Variants in GRM3 observed in about 807,000 individuals in gnomAD.
GRM3 encodes the protein metabotropic glutamate receptor 3.
A neutral mutation model predicts 70.5 loss-of-function variants in GRM3; 26 were observed. That is an observed-to-expected ratio of 0.37 (90% CI 0.27 to 0.51). GRM3 has a LOEUF of 0.51. Among genes scored for constraint, GRM3 ranks in the 20% least tolerant of loss-of-function variants. The pLI is 0.93. For missense variants in GRM3, 859 were observed against 1,123.8 expected (o/e 0.76, Z 3.37); for synonymous variants, 443 against 434.9 (o/e 1.02, Z -0.23).
intron 1 of GRM3, among the ~76,000 whole-genome samples, chr7:86,683,011 T>C (rs1794478030): frequency 6.6e-6 from 1 of 152,150 alleles, no homozygotes; most frequent in South Asian, 2.1e-4. Flanking sequence ...CATTTTCAGA[T>C]TTGAACTGAA....
chr7:86,771,950 C>T (rs1796754053), intron 2 of GRM3, among the ~76,000 whole-genome samples: 2 of 152,104 alleles, frequency 1.3e-5, no homozygotes, highest in African/African-American at 4.8e-5. Flanking sequence ...ATGCAGTGTT[C>T]TTCAGCTGTC....
At chr7:86,710,566 T>TGGGGGGGGGGGGGG (rs1171125332) in intron 1 of GRM3, among the ~76,000 whole-genome samples, 1 of 8,132 alleles carries the variant, frequency 1.2e-4, no homozygotes, top group African/African-American at 5.4e-4. Flanking sequence ...GTGTGTGTGG[T>TGGGGGGGGGGGGGG]GGGGGGTGGG....
chr7:86,778,496 G>A (rs1455913934), intron 2 of GRM3, among the ~76,000 whole-genome samples: 5 of 152,168 alleles, frequency 3.3e-5, no homozygotes, highest in Non-Finnish European at 7.4e-5. Context: ...ACAAAGCTCT[G>A]TTTGAAATTG....
intron 1 of GRM3, among the ~76,000 whole-genome samples, chr7:86,703,104 G>A (rs1239173950): frequency 6.6e-6 from 1 of 151,614 alleles, no homozygotes; most frequent in Non-Finnish European, 1.5e-5. Flanking sequence ...AATATGTTGG[G>A]GTTTTTTTTC....
chr7:86,817,470 A>G (rs1402992431), intron 3 of GRM3, among the ~76,000 whole-genome samples: 1 of 151,960 alleles, frequency 6.6e-6, no homozygotes, highest in Non-Finnish European at 1.5e-5. Flanking sequence ...TTCTCCAGTT[A>G]CATCCTATAT....
chr7:86,690,664 C>T (rs1219689532), intron 1 of GRM3, among the ~76,000 whole-genome samples: 1 of 152,058 alleles, frequency 6.6e-6, no homozygotes, highest in Non-Finnish European at 1.5e-5. Flanking sequence ...ACACCATTTA[C>T]TGGGATTGAG....
intron 1 of GRM3, among the ~76,000 whole-genome samples, chr7:86,695,168 G>C (rs1794786833): frequency 6.6e-6 from 1 of 151,902 alleles, no homozygotes; most frequent in Non-Finnish European, 1.5e-5. Context: ...TGAACTGTAG[G>C]CAAAAAAAGA....
At chr7:86,719,482 A>T (rs1262913289) in intron 1 of GRM3, among the ~76,000 whole-genome samples, 2 of 152,084 alleles carry the variant, frequency 1.3e-5, no homozygotes, top group African/African-American at 4.8e-5. Context: ...TTATTGTGCA[A>T]TGTAATAAAT....
intron 4 of GRM3, among the ~76,000 whole-genome samples, chr7:86,845,230 C>T (rs575227968): frequency 1.3e-5 from 2 of 152,238 alleles, no homozygotes; most frequent in Admixed American, 6.5e-5. Context: ...TGGGCTAGGA[C>T]ACCTGCATAA....
chr7:86,739,706 A>G (rs995665110), intron 1 of GRM3, among the ~76,000 whole-genome samples: 3 of 152,262 alleles, frequency 2.0e-5, no homozygotes, highest in African/African-American at 7.2e-5. Context: ...GATTCTAATC[A>G]TGCTTAAATT....
At chr7:86,737,954 C>T (rs898970165) in intron 1 of GRM3, among the ~76,000 whole-genome samples, 3 of 152,206 alleles carry the variant, frequency 2.0e-5, no homozygotes, top group Non-Finnish European at 4.4e-5. Flanking sequence ...GCACATTCCC[C>T]TCACCATTTA....
At chr7:86,680,520 C>T (rs1794417242) in intron 1 of GRM3, among the ~76,000 whole-genome samples, 1 of 152,122 alleles carries the variant, frequency 6.6e-6, no homozygotes, top group Admixed American at 6.6e-5. Context: ...CCAGCTGCCT[C>T]TACTATGCAA....
rs533361272 is a variant in GRM3, at chr7:86,811,552, C to T, written c.1324+24436C>T. Among the ~76,000 whole-genome samples, 6 of 151,758 alleles carry T rather than the reference C, an allele frequency of 4.0e-5. No homozygotes were observed. In the East Asian group the frequency reaches 9.7e-4, roughly 25 times the overall value. On this transcript the variant is annotated intron_variant, in intron 3 of 5. Transcript: ENST00000361669. ...TACCCACCATCAATGACAAATATTC[C>T]CCAAACCCTAAACTGTGCCCTTGTT...
At position 86,824,047 on chromosome 7, in the gene GRM3, A is replaced by G. The variant is rs541895181; in HGVS notation, c.1325-14792A>G. ...GTATAGCCTAGAGACTGGAAGTGCA[A>G]AGGAGCGCATGAAGACGACCAAGGC... is the stretch of plus-strand genomic sequence containing the variant. On this transcript the variant is annotated intron_variant, in intron 3 of 5. Coordinates refer to ENST00000361669, the MANE Select transcript of GRM3 (RefSeq NM_000840.3). Among the ~76,000 whole-genome samples, 5 of 152,236 alleles carry G rather than the reference A, an allele frequency of 3.3e-5. No homozygotes were observed. In the East Asian group the frequency reaches 9.7e-4, roughly 29 times the overall value.
At chr7:86,847,426 C>T (rs749971884) in intron 4 of GRM3, among the ~76,000 whole-genome samples, 122 of 152,214 alleles carry the variant, frequency 8.0e-4, no homozygotes, top group Admixed American at 1.6e-3. Flanking sequence ...TACATTATTA[C>T]GATATGCCTA....
At chr7:86,816,973 G>C (rs1344014388) in intron 3 of GRM3, among the ~76,000 whole-genome samples, 1 of 151,882 alleles carries the variant, frequency 6.6e-6, no homozygotes, top group African/African-American at 2.4e-5. Flanking sequence ...ACAGAACCCT[G>C]AGGTTCTCCA....
intron 1 of GRM3, among the ~76,000 whole-genome samples, chr7:86,672,074 TA>T (rs1302068446): frequency 3.3e-5 from 5 of 152,196 alleles, no homozygotes; most frequent in Non-Finnish European, 7.3e-5. Context: ...CACTCCTGGA[TA>T]AAAACTCAGC....
chr7:86,740,392 A>C (rs541306216), intron 1 of GRM3, among the ~76,000 whole-genome samples: 89 of 152,250 alleles, frequency 5.8e-4, no homozygotes, highest in African/African-American at 2.0e-3. Context: ...GATAACAAGA[A>C]GCCCAAAGCA....
At chr7:86,778,847 C>T (rs952243075) in intron 2 of GRM3, among the ~76,000 whole-genome samples, 17 of 152,188 alleles carry the variant, frequency 1.1e-4, no homozygotes, top group African/African-American at 4.1e-4. Flanking sequence ...AGTTCCAACC[C>T]CCAGTACCTT....
Sources: gnomAD v4.1 joint callset for allele counts (sites outside exome capture counted in the v4.1 genomes callset) on GRCh38, gnomAD v4.1.1 for gene constraint, MANE v1.5 for transcripts, NCBI Gene and HGNC (gene_info 2026-07-23, HGNC 2026-07-21) for gene names.